Variants in IGF2R observed in about 807,000 individuals in gnomAD.
IGF2R encodes the protein insulin like growth factor 2 receptor.
IGF2R carries 91 observed loss-of-function variants against 270.6 expected under a neutral mutation model. The observed-to-expected ratio is 0.34, with a 90% CI of 0.28 to 0.40. The LOEUF is 0.40. IGF2R is among the 10% of genes least tolerant of loss of function. IGF2R has a pLI of 1.00. For synonymous variants in IGF2R, 1,316 were observed against 1,258.9 expected (o/e 1.05, Z -0.96); for missense variants, 2,805 against 3,188.3 (o/e 0.88, Z 2.90).
At chr6:160,005,870 C>T (rs1051422379) in intron 2 of IGF2R, 1 of 154,140 alleles carries the variant, frequency 6.5e-6, no homozygotes, top group African/African-American at 2.4e-5. Flanking sequence ...GGACCCCGCG[C>T]ATCCTGGGCC....
rs1173116500 is a variant in IGF2R, at chr6:160,102,073, TG to T, written c.6843-444del. Among the ~76,000 whole-genome samples, 1 of 152,192 alleles carries T rather than the reference TG, an allele frequency of 6.6e-6. No homozygotes were observed. The highest frequency in any genetic ancestry group is 1.5e-5 in the Non-Finnish European group (1 of 68,028). Reference sequence around the variant, plus strand: ...TAAGGCCCCCTGGGCCCCTTTCGTGTGGAGATGGTGTCTCATGGTGGGCTGC... The same window carrying T: ...TAAGGCCCCCTGGGCCCCTTTCGTGTGAGATGGTGTCTCATGGTGGGCTGC... On this transcript the variant is annotated intron_variant, in intron 45 of 47. Coordinates refer to ENST00000356956, the MANE Select transcript of IGF2R (RefSeq NM_000876.4). The surrounding 1 kb of genome is among the most constrained non-coding windows in gnomAD (Gnocchi z 4.5).
At chr6:160,034,558 C>A in intron 10 of IGF2R, 36 bp downstream of exon 10, 1 of 1,296,772 alleles carries the variant, frequency 7.7e-7, no homozygotes, top group Non-Finnish European at 1.1e-6. Flanking sequence ...CTCCTCTTTG[C>A]ATTCATGGGC....
intron 19 of IGF2R, among the ~76,000 whole-genome samples, chr6:160,053,269 G>A (rs985323861): frequency 1.3e-5 from 2 of 152,116 alleles, no homozygotes; most frequent in African/African-American, 4.8e-5. Context: ...AGGGCCTGTT[G>A]GGGGCTGGGG....
intron 43 of IGF2R, 101 bp from the exon 44 acceptor site, chr6:160,089,815 G>C (rs1779179336): frequency 5.4e-6 from 4 of 744,244 alleles, no homozygotes; most frequent in Non-Finnish European, 4.1e-6. Context: ...AGGAAAGGAA[G>C]CATCCTGGGG....
intron 11 of IGF2R, among the ~76,000 whole-genome samples, chr6:160,041,449 A>G (rs576364288): frequency 9.2e-5 from 14 of 152,230 alleles, no homozygotes; most frequent in African/African-American, 3.1e-4. Flanking sequence ...ACATGGGCAC[A>G]GAGGGGAACA....
Position 160,089,137 on chromosome 6 carries a change from C to T in IGF2R, c.6351C>T (p.Phe2117=). 6.2e-7 allele frequency: 1 copy of T among 1,614,062 alleles called. No homozygotes were observed. ...RFDIDSCTYY[F]SWDSRAACAV... is the part of the protein sequence containing the mutation. ...ATATCGACAGCTGCACTTACTACTT[C>T]AGCTGGGACTCCCGGGCTGCCTGCG... Residue 2117 remains phenylalanine (F), a synonymous_variant, in exon 43 of 48, where the codon TTC becomes TTT. Coordinates refer to ENST00000356956, the MANE Select transcript of IGF2R (RefSeq NM_000876.4).
chr6:160,032,832 T>C lies in IGF2R; in HGVS notation c.1046-110T>C, dbSNP rs892766216. ...CTTCTGGGTTGGAGAGAGCTGTAGT[T>C]TGGGCTGGTGTTTCAGAAATAGGAT... On this transcript the variant is annotated intron_variant, in intron 8 of 47. Transcript: ENST00000356956. 3.8e-5 allele frequency: 53 copies of C among 1,398,184 alleles called. No homozygotes were observed. The Admixed American group carries it at 9.8e-4, about 26-fold the overall frequency. 86.6% of individuals were successfully genotyped at this position (1,398,184 alleles called of 1,614,324 possible).
chr6:159,997,737 C>T (rs1784075017), intron 2 of IGF2R, among the ~76,000 whole-genome samples: 1 of 152,194 alleles, frequency 6.6e-6, no homozygotes, highest in African/African-American at 2.4e-5. Flanking sequence ...TCCATTCTGG[C>T]GACGGTTGCT....
At chr6:160,077,402 T>C (rs538816447) in intron 36 of IGF2R, among the ~76,000 whole-genome samples, 1 of 152,134 alleles carries the variant, frequency 6.6e-6, no homozygotes, top group Non-Finnish European at 1.5e-5. Context: ...TCATGAGTGA[T>C]GCTTTGTTAT....
intron 11 of IGF2R, among the ~76,000 whole-genome samples, chr6:160,041,473 C>G (rs1777944827): frequency 6.6e-6 from 1 of 151,964 alleles, no homozygotes; most frequent in African/African-American, 2.4e-5. Context: ...CACACCATGG[C>G]CTGTTTAGGG....
intron 34 of IGF2R, 113 bp from the exon 35 acceptor site, chr6:160,073,644 C>T (rs906574908): frequency 9.0e-7 from 1 of 1,107,476 alleles, no homozygotes; most frequent in Non-Finnish European, 1.3e-6. Context: ...AGCATTTTGA[C>T]ACCTTTCTAC....
chr6:160,063,333 G>C (rs1053920146), intron 26 of IGF2R, 82 bp from the exon 27 acceptor site: 1 of 1,120,396 alleles, frequency 8.9e-7, no homozygotes, highest in Non-Finnish European at 1.4e-6. Flanking sequence ...CACTGCGCCC[G>C]GCCATTTGTA....
At chr6:159,989,440 G>A (rs1175705538) in intron 1 of IGF2R, among the ~76,000 whole-genome samples, 1 of 152,148 alleles carries the variant, frequency 6.6e-6, no homozygotes, top group African/African-American at 2.4e-5. Context: ...GTACTGCATA[G>A]GGTGAATAAC....
Position 160,061,843 on chromosome 6 carries a change from C to T in IGF2R, c.3497C>T (p.Ser1166Phe), listed in dbSNP as rs748569814. The T allele has an allele frequency of 1.9e-6, 3 of 1,614,174 alleles. No homozygotes were observed. Among genetic ancestry groups the T allele is most frequent in the Non-Finnish European group, 2.5e-6 (3 of 1,180,030 alleles). The stretch of plus-strand genomic sequence containing the variant: ...AGTCCCCAAGCCGCGGCGAATGGAT[C>T]TTTGAGCATCATGTATGTCAACGGT... The part of the protein sequence containing the change: ...QMSPQAAANG[S>F]LSIMYVNGDK... Residue 1166 changes from serine (S) to phenylalanine (F), a missense_variant, in exon 25 of 48, where the codon TCT (serine) becomes TTT (phenylalanine). Ser to Phe is a radical substitution (Grantham distance 155). This residue lies in a region of IGF2R where 1,851 missense variants were observed against 2,207.2 expected (regional missense o/e 0.84). Coordinates refer to ENST00000356956, the MANE Select transcript of IGF2R (RefSeq NM_000876.4).
At position 160,109,795 on chromosome 6, in the gene IGF2R, C is replaced by A. The variant is rs1779706516; in HGVS notation, c.*4711C>A. 6.6e-6 allele frequency: 1 copy of A among 152,192 alleles called. No homozygotes were observed. 9.4% of individuals were successfully genotyped at this position (152,192 alleles called of 1,614,324 possible). On this transcript the variant is annotated 3_prime_UTR_variant, in exon 48 of 48. Transcript: ENST00000356956. ...CACCTCTGGGAGGGTGCCTGATTTG[C>A]CCTGCCCCACCCAGCGGCTTTAGGA...
rs1055043967 is a variant in IGF2R, at chr6:160,097,565, G to A, written c.6842+940G>A. On this transcript the variant is annotated intron_variant, in intron 45 of 47. Coordinates refer to ENST00000356956, the MANE Select transcript of IGF2R (RefSeq NM_000876.4). ...GGCTGGTCTTGAACTCCTCACCTCA[G>A]ATAATCTGCCTGCCTTGGCCTCCCA... 8.5e-5 allele frequency among the ~76,000 whole-genome samples: 13 copies of A among 152,292 alleles called. No individual in the cohort carries two copies. The East Asian group carries it at 2.3e-3, about 27-fold the overall frequency.
intron 1 of IGF2R, among the ~76,000 whole-genome samples, chr6:159,986,147 C>T (rs961823609): frequency 3.3e-5 from 5 of 151,868 alleles, no homozygotes; most frequent in Non-Finnish European, 5.9e-5. Flanking sequence ...AGATGGAATA[C>T]AGCATAGAGT....
chr6:159,995,744 T>C (rs1784043403), intron 2 of IGF2R, among the ~76,000 whole-genome samples: 1 of 152,122 alleles, frequency 6.6e-6, no homozygotes, highest in South Asian at 2.1e-4. Context: ...TTCCGATTTC[T>C]TTGTGTTGGT....
intron 35 of IGF2R, among the ~76,000 whole-genome samples, chr6:160,075,099 C>T (rs1199070573): frequency 1.3e-5 from 2 of 152,040 alleles, no homozygotes; most frequent in Admixed American, 1.3e-4. Context: ...GCTGCTTATA[C>T]ACACACTCAC....
Sources: gnomAD v4.1 joint callset for allele counts (sites outside exome capture counted in the v4.1 genomes callset) on GRCh38, gnomAD v4.1.1 for gene constraint, gnomAD v4.1.1 regional missense constraint, Gnocchi (gnomAD v3.1) non-coding constraint, MANE v1.5 for transcripts, NCBI Gene and HGNC (gene_info 2026-07-23, HGNC 2026-07-21) for gene names.